The following FCRLA variants were observed in gnomAD, a reference collection of about 807,000 sequenced individuals.
The protein encoded by FCRLA is Fc receptor like A.
Under a neutral mutation model 28.4 loss-of-function variants are expected in FCRLA, and 26 were observed. That is an observed-to-expected ratio of 0.91 (90% confidence interval 0.67 to 1.27). The LOEUF (loss-of-function observed/expected upper bound fraction) is 1.27, where lower values mean the gene tolerates loss of function less well. FCRLA is among the 50% of genes most tolerant of loss of function. The pLI is 0.00. For missense variants in FCRLA, 422 were observed against 433.1 expected (o/e 0.97, Z 0.23); for synonymous variants, 174 against 168.5 (o/e 1.03, Z -0.25).
At chr1:161,711,712 T>C in intron 3 of FCRLA, 1 of 736,226 alleles carries the variant, frequency 1.4e-6, no homozygotes, top group Non-Finnish European at 2.2e-6. Flanking sequence ...TAGTGCTCAC[T>C]GATTGGGTGT....
In FCRLA at chr1:161,707,354, T is replaced by C. The variant is rs755100415; in HGVS notation, c.79+11T>C. The C allele has an allele frequency of 7.6e-6, 12 of 1,571,434 alleles. No homozygotes were observed. In the Admixed American group the frequency reaches 1.8e-4, roughly 23 times the overall value. On this transcript the variant is annotated intron_variant, in intron 1 of 4. Transcript: ENST00000236938. ...CCCAGATGCTACTGGGTAAGTAAAA[T>C]ATTTGAATATTGGTGTGGGAATGGA... is the stretch of plus-strand genomic sequence containing the variant.
Position 161,711,476 on chromosome 1 carries a change from T to C in FCRLA, c.499+2T>C, listed in dbSNP as rs772043962. On this transcript the variant is annotated splice_donor_variant, in intron 3 of 4. Coordinates refer to ENST00000236938, the MANE Select transcript of FCRLA (RefSeq NM_032738.4). LOFTEE classifies it high-confidence loss of function. ...CTGTTGTGGCTATCACAGTCCAAGG[T>C]GAGAGCTAGAAGCAGCATTGTCATG... The C allele has an allele frequency of 6.2e-7, 1 of 1,610,564 alleles. No homozygotes were observed. The highest frequency in any genetic ancestry group is 1.1e-5 in the South Asian group (1 of 90,718).
chr1:161,709,424 G>A (rs372525317), intron 1 of FCRLA, among the ~76,000 whole-genome samples: 130 of 152,274 alleles, frequency 8.5e-4, no homozygotes, highest in African/African-American at 3.0e-3. Context: ...GAGCCACCAC[G>A]CCTGGATAAG....
At chr1:161,707,873 T>C (rs545719217) in intron 1 of FCRLA, among the ~76,000 whole-genome samples, 1 of 152,284 alleles carries the variant, frequency 6.6e-6, no homozygotes, top group African/African-American at 2.4e-5. Context: ...TACATGGACT[T>C]CTCTTGATCC....
At chr1:161,710,951 CTTCT>C in intron 2 of FCRLA, 39 bp downstream of exon 2, 5 of 1,607,168 alleles carry the variant, frequency 3.1e-6, no homozygotes, top group Non-Finnish European at 4.3e-6. Context: ...CCCCAAACCC[CTTCT>C]TTCAGCCTCA....
At position 161,713,309 on chromosome 1, in the gene FCRLA, C is replaced by A; in HGVS notation, c.1009C>A (p.His337Asn). ...HMQDVRVLLGHLLMELRELSG... is the reference protein window; with the variant it reads ...HMQDVRVLLGNLLMELRELSG... ...GCAGGATGTGAGAGTCCTCCTCGGT[C>A]ACCTGCTCATGGAGTTGAGGGAATT... The change falls in exon 5 of 5, where the codon CAC becomes AAC. Residue 337 changes from histidine to asparagine, a missense_variant. By Grantham distance (68) the His-to-Asn change is moderately conservative. Around this residue, in one of 3 missense-constraint regions of FCRLA, gnomAD observed 185 missense variants for 198.1 expected, o/e 0.93. Coordinates refer to ENST00000236938, the MANE Select transcript of FCRLA (RefSeq NM_032738.4). The A allele has an allele frequency of 6.2e-7, 1 of 1,614,250 alleles. No homozygotes were observed. The highest frequency in any genetic ancestry group is 1.1e-5 in the South Asian group (1 of 91,066).
intron 1 of FCRLA, 125 bp from the exon 2 acceptor site, chr1:161,710,635 G>A: frequency 2.2e-6 from 3 of 1,392,338 alleles, no homozygotes; most frequent in Non-Finnish European, 2.0e-6. Flanking sequence ...AAAAAAAAAA[G>A]GTTTTGATGT....
chr1:161,711,341 C>CG lies in FCRLA; in HGVS notation c.369dup (p.Pro124AlafsTer2). The CG allele has an allele frequency of 6.2e-7, 1 of 1,614,222 alleles. No individual in the cohort carries two copies. The highest frequency in any genetic ancestry group is 8.5e-7 in the Non-Finnish European group (1 of 1,180,028). On this transcript the variant is annotated frameshift_variant, in exon 3 of 5. Coordinates refer to ENST00000236938, the MANE Select transcript of FCRLA (RefSeq NM_032738.4). LOFTEE classifies it high-confidence loss of function. Reference sequence around the variant, plus strand: ...GAGATGGCTCAGCTCTGGGTCCCCCCGGGCCTAACAGGGAATTCTCCATCA... The same window carrying CG: ...GAGATGGCTCAGCTCTGGGTCCCCCCGGGGCCTAACAGGGAATTCTCCATCA...
chr1:161,713,671 T>C lies in FCRLA; in HGVS notation c.*291T>C, dbSNP rs1351373638. The C allele has an allele frequency of 1.5e-5, 4 of 269,948 alleles. No homozygotes were observed. Among genetic ancestry groups the C allele is most frequent in the Admixed American group, 5.1e-5 (1 of 19,610 alleles). 16.7% of individuals were successfully genotyped at this position (269,948 alleles called of 1,614,324 possible). A position where few individuals can be genotyped will look rare whatever the true frequency, so the allele number is the denominator to read the frequency against. ...TTTAAAGAGAACTAATGGAAGTGGATTGAATACAGCAGTCTCAACTGGGGG... is the reference window on the plus strand; with the variant it reads ...TTTAAAGAGAACTAATGGAAGTGGACTGAATACAGCAGTCTCAACTGGGGG... On this transcript the variant is annotated 3_prime_UTR_variant, in exon 5 of 5. Transcript: ENST00000236938.
rs1486189288 is a variant in FCRLA, at chr1:161,707,292, T to C, written c.28T>C (p.Trp10Arg). Residue 10 changes from tryptophan to arginine, a missense_variant, in exon 1 of 5, where the codon TGG becomes CGG. Coordinates refer to ENST00000236938, the MANE Select transcript of FCRLA (RefSeq NM_032738.4). The part of the protein sequence containing the change: MKLGCVLMA[W>R]ALYLSLGVLW... ...GAAGCTGGGCTGTGTCCTCATGGCCTGGGCCCTCTACCTTTCCCTTGGTGT... is the reference window on the plus strand; with the variant it reads ...GAAGCTGGGCTGTGTCCTCATGGCCCGGGCCCTCTACCTTTCCCTTGGTGT... 1 of 1,613,710 alleles carries C rather than the reference T, an allele frequency of 6.2e-7. No homozygotes were observed. The highest frequency in any genetic ancestry group is 1.3e-5 in the African/African-American group (1 of 74,908).
chr1:161,709,277 G>T (rs1682978239), intron 1 of FCRLA, among the ~76,000 whole-genome samples: 7 of 152,054 alleles, frequency 4.6e-5, no homozygotes, highest in African/African-American at 1.7e-4. Context: ...ACAGGCAAGT[G>T]CCACCAGGCC....
At chr1:161,710,973 C>T (rs1683070800) in intron 2 of FCRLA, 61 bp downstream of exon 2, 2 of 1,596,700 alleles carry the variant, frequency 1.3e-6, no homozygotes, top group South Asian at 2.2e-5. Context: ...TCAGAGCCCA[C>T]CCAGGAAAGT....
chr1:161,711,140 T>A, intron 2 of FCRLA, 68 bp from the exon 3 acceptor site: 2 of 1,545,950 alleles, frequency 1.3e-6, no homozygotes, highest in African/African-American at 2.8e-5. Flanking sequence ...TTTAGGGGAG[T>A]AGGCATGCTT....
chr1:161,709,945 C>T (rs1683013998), intron 1 of FCRLA, among the ~76,000 whole-genome samples: 1 of 152,086 alleles, frequency 6.6e-6, no homozygotes, highest in Admixed American at 6.5e-5. Context: ...CTCTGTGCCA[C>T]TGCCAGGGAA....
chr1:161,708,036 A>C (rs1682910810), intron 1 of FCRLA, among the ~76,000 whole-genome samples: 1 of 152,168 alleles, frequency 6.6e-6, no homozygotes, highest in African/African-American at 2.4e-5. Context: ...AGAGTCCCAA[A>C]TCATATCCCC....
Position 161,712,116 on chromosome 1 carries a change from C to T in FCRLA, c.682C>T (p.Pro228Ser), listed in dbSNP as rs1683132356. The T allele has an allele frequency of 6.2e-7, 1 of 1,614,090 alleles. No individual in the cohort carries two copies. Among genetic ancestry groups the T allele is most frequent in the African/African-American group, 1.3e-5 (1 of 74,922 alleles). Residue 228 changes from proline (P) to serine (S), a missense_variant, in exon 4 of 5, where the codon CCC (proline) becomes TCC (serine). Pro to Ser is a moderately conservative substitution (Grantham distance 74). Transcript: ENST00000236938. ...GGGGCTCTCCTCAGAATTCCAGATC[C>T]CCACAGCTTCAGAAGATCACTCCGG... ...SRGLSSEFQI[P>S]TASEDHSGSY...
Position 161,712,071 on chromosome 1 carries a change from G to A in FCRLA, c.637G>A (p.Gly213Arg), listed in dbSNP as rs902086098. 1.2e-6 allele frequency: 2 copies of A among 1,614,064 alleles called. No homozygotes were observed. The highest frequency in any genetic ancestry group is 1.7e-6 in the Non-Finnish European group (2 of 1,180,052). The change falls in exon 4 of 5, where the codon GGA (glycine) becomes AGA (arginine). Residue 213 changes from glycine to arginine, a missense_variant. Coordinates refer to ENST00000236938, the MANE Select transcript of FCRLA (RefSeq NM_032738.4). ...CCTCCTCTTCTCCTTCTACAAGGATGGAAGGATAGTGCAAAGCAGGGGGCT... is the reference window on the plus strand; with the variant it reads ...CCTCCTCTTCTCCTTCTACAAGGATAGAAGGATAGTGCAAAGCAGGGGGCT... The part of the protein sequence containing the change: ...ARLLFSFYKD[G>R]RIVQSRGLSS...
chr1:161,708,510 C>G (rs1303670130), intron 1 of FCRLA, among the ~76,000 whole-genome samples: 1 of 152,150 alleles, frequency 6.6e-6, no homozygotes, highest in Non-Finnish European at 1.5e-5. Context: ...TCAAGTTTAC[C>G]AGCCCAAATT....
At chr1:161,709,928 G>A (rs1008101224) in intron 1 of FCRLA, among the ~76,000 whole-genome samples, 1 of 152,150 alleles carries the variant, frequency 6.6e-6, no homozygotes, top group Non-Finnish European at 1.5e-5. Flanking sequence ...AAAAAAGACA[G>A]AGAAAGCTCT....
Sources: allele counts gnomAD v4.1 joint callset (sites outside exome capture counted in the v4.1 genomes callset), GRCh38; gene constraint gnomAD v4.1.1; regional missense constraint gnomAD v4.1.1; transcripts MANE v1.5; gene names NCBI Gene and HGNC (gene_info 2026-07-23, HGNC 2026-07-21).